Variants in AKAP6 observed in about 807,000 individuals in gnomAD.
AKAP6 encodes the protein A-kinase anchor protein 6.
Under a neutral mutation model 188.5 loss-of-function variants are expected in AKAP6, and 58 were observed. That is an observed-to-expected ratio of 0.31 (90% CI 0.25 to 0.38). The LOEUF (loss-of-function observed/expected upper bound fraction) is 0.38. AKAP6 is among the 10% of genes least tolerant of loss of function. AKAP6 has a pLI of 1.00. For synonymous variants in AKAP6, 989 were observed against 998.6 expected (o/e 0.99, Z 0.18); for missense variants, 2,710 against 2,740.0 (o/e 0.99, Z 0.24).
rs2034854420 is a variant in AKAP6, at chr14:32,834,532, T to TG, written c.*4727_*4728insG. ...TCACACACTGCTTTTAGTTTCCAAG[T>TG]CTTTTTTTTTTTTTTTTTTTTTAAA... On this transcript the variant is annotated 3_prime_UTR_variant, in exon 14 of 14. Coordinates refer to ENST00000280979, the MANE Select transcript of AKAP6 (RefSeq NM_004274.5). 4 of 90,538 alleles carry TG rather than the reference T, an allele frequency of 4.4e-5. No individual in the cohort carries two copies. Among genetic ancestry groups the TG allele is most frequent in the South Asian group, 4.4e-4 (1 of 2,274 alleles). The allele number at this position is 90,538 out of a possible 1,614,324, so 5.6% of individuals were successfully genotyped here.
chr14:32,385,938 A>G (rs1257591296), intron 1 of AKAP6, among the ~76,000 whole-genome samples: 1 of 148,728 alleles, frequency 6.7e-6, no homozygotes, highest in Non-Finnish European at 1.5e-5. Flanking sequence ...CATATATTAT[A>G]TATTATACAT....
intron 7 of AKAP6, among the ~76,000 whole-genome samples, chr14:32,649,322 C>G (rs573095065): frequency 1.4e-4 from 21 of 152,242 alleles, no homozygotes; most frequent in East Asian, 1.4e-3. Context: ...AGCAGAAGAA[C>G]CCAATGTCAC....
chr14:32,770,797 T>C (rs1309643588), intron 11 of AKAP6, among the ~76,000 whole-genome samples: 1 of 152,208 alleles, frequency 6.6e-6, no homozygotes, highest in Non-Finnish European at 1.5e-5. Flanking sequence ...TCCAGTAGAC[T>C]CTCAACTCCT....
intron 7 of AKAP6, among the ~76,000 whole-genome samples, chr14:32,641,484 A>AAAG (rs1555347829): frequency 6.0e-5 from 9 of 151,150 alleles, no homozygotes; most frequent in African/African-American, 1.9e-4. Context: ...AAAAAAAAAA[A>AAAG]AAAAGAAAAG....
intron 7 of AKAP6, among the ~76,000 whole-genome samples, chr14:32,672,157 G>A (rs1480437092): frequency 6.6e-6 from 1 of 152,094 alleles, no homozygotes; most frequent in Non-Finnish European, 1.5e-5. Context: ...ACTGCATTTT[G>A]TGTCCTTATT....
intron 1 of AKAP6, among the ~76,000 whole-genome samples, chr14:32,387,179 A>C (rs1443425859): frequency 1.3e-5 from 2 of 152,148 alleles, no homozygotes; most frequent in Admixed American, 1.3e-4. Context: ...TATCAGTTCT[A>C]GGAACTTTCT....
At chr14:32,612,962 T>G (rs977069656) in intron 7 of AKAP6, among the ~76,000 whole-genome samples, 3 of 152,218 alleles carry the variant, frequency 2.0e-5, no homozygotes, top group African/African-American at 7.2e-5. Context: ...ATACCACTAT[T>G]TGAATCGCTA....
intron 8 of AKAP6, among the ~76,000 whole-genome samples, chr14:32,681,676 A>ATTT (rs1238926762): frequency 7.5e-5 from 9 of 119,304 alleles, no homozygotes; most frequent in African/African-American, 3.2e-4. Flanking sequence ...TAATTTGACA[A>ATTT]ATTTTTTTTT....
At position 32,822,977 on chromosome 14, in the gene AKAP6, C is replaced by T. The variant is rs747346134; in HGVS notation, c.5164C>T (p.Leu1722=). The T allele has an allele frequency of 2.5e-6, 4 of 1,613,768 alleles. No individual in the cohort carries two copies. In the African/African-American group the frequency reaches 4.0e-5, roughly 16 times the overall value. ...PESNASFRKR[L]TRSVADESDV... ...ATCGAATGCATCGTTCAGGAAGCGT[C>T]TGACTCGTTCAGTGGCTGATGAAAG... Residue 1722 remains leucine, a synonymous_variant, in exon 13 of 14, where the codon CTG becomes TTG. Transcript: ENST00000280979.
chr14:32,780,306 A>G (rs2033207922), intron 12 of AKAP6, among the ~76,000 whole-genome samples: 1 of 151,994 alleles, frequency 6.6e-6, no homozygotes, highest in Non-Finnish European at 1.5e-5. Flanking sequence ...AGAAAGAAAA[A>G]TATTACATGA....
chr14:32,807,932 A>C (rs572439419), intron 12 of AKAP6, among the ~76,000 whole-genome samples: 4 of 152,354 alleles, frequency 2.6e-5, no homozygotes, highest in Non-Finnish European at 5.9e-5. Context: ...AGTGGTCATA[A>C]TAACACTGTA....
chr14:32,547,409 A>C (rs1040850647), intron 4 of AKAP6, among the ~76,000 whole-genome samples: 15 of 152,332 alleles, frequency 9.8e-5, no homozygotes, highest in African/African-American at 3.6e-4. Context: ...TGACTCCAGA[A>C]TACATTCCAC....
At chr14:32,471,897 T>G (rs902837266) in intron 2 of AKAP6, among the ~76,000 whole-genome samples, 1 of 152,214 alleles carries the variant, frequency 6.6e-6, no homozygotes, top group Non-Finnish European at 1.5e-5. Context: ...ATTTTTGTGC[T>G]GGCACAATTG....
intron 1 of AKAP6, among the ~76,000 whole-genome samples, chr14:32,337,844 A>G (rs777813250): frequency 6.6e-6 from 1 of 152,028 alleles, no homozygotes; most frequent in Non-Finnish European, 1.5e-5. Context: ...GGAGAAAAAG[A>G]TAACATAACC....
chr14:32,673,949 T>C (rs988852692), intron 7 of AKAP6, among the ~76,000 whole-genome samples: 2 of 152,096 alleles, frequency 1.3e-5, no homozygotes, highest in Admixed American at 6.6e-5. Flanking sequence ...AATTTTGATA[T>C]GTGTTATGAA....
At chr14:32,487,619 A>G (rs4332665) in intron 2 of AKAP6, among the ~76,000 whole-genome samples, 102,235 of 152,112 alleles carry the variant, frequency 0.67, 35,837 homozygotes, top group East Asian at 0.89. Context: ...GAGGAGAGAG[A>G]CATTCTGGTT....
rs191992951 is a variant in AKAP6, at chr14:32,546,503, A to T, written c.1850A>T (p.Asn617Ile). 1.5e-5 allele frequency: 25 copies of T among 1,614,192 alleles called. No individual in the cohort carries two copies. In the East Asian group the frequency reaches 5.1e-4, roughly 33 times the overall value. The change falls in exon 4 of 14, where the codon AAT becomes ATT. Residue 617 changes from asparagine to isoleucine, a missense_variant. Around this residue, in one of 2 missense-constraint regions of AKAP6, gnomAD observed 2,473 missense variants for 2,426.1 expected, o/e 1.02. Coordinates refer to ENST00000280979, the MANE Select transcript of AKAP6 (RefSeq NM_004274.5). ...QASSPSHVTR[N>I]GEVVEAWYGS... ...TCCTCTCCAAGTCACGTCACTAGGA[A>T]TGGTGAGGTTGTGGAGGCCTGGTAT... is the stretch of plus-strand genomic sequence containing the variant.
At chr14:32,354,190 G>A (rs377381435) in intron 1 of AKAP6, among the ~76,000 whole-genome samples, 1,795 of 151,720 alleles carry the variant, frequency 0.012, 34 homozygotes, top group African/African-American at 0.035. Context: ...GAGGCATCAT[G>A]CTACCTGACT....
chr14:32,699,899 A>G (rs1362544113), intron 9 of AKAP6, among the ~76,000 whole-genome samples: 2 of 152,120 alleles, frequency 1.3e-5, no homozygotes, highest in Admixed American at 6.5e-5. Flanking sequence ...TATTTGGACT[A>G]GAGTTACGAC....
Sources: allele counts gnomAD v4.1 joint callset (sites outside exome capture counted in the v4.1 genomes callset), GRCh38; gene constraint gnomAD v4.1.1; regional missense constraint gnomAD v4.1.1; transcripts MANE v1.5; gene names NCBI Gene and HGNC (gene_info 2026-07-23, HGNC 2026-07-21).